Variants in TRIM5 observed in about 807,000 individuals in gnomAD.
TRIM5 encodes the protein tripartite motif containing 5.
In TRIM5, 31 loss-of-function variants were observed where a neutral mutation model predicts 35.6. The ratio of observed to expected loss-of-function variants is 0.87; its 90% CI spans 0.65 to 1.18. TRIM5 has a LOEUF of 1.18. Among genes scored for constraint, TRIM5 ranks in the 50% most tolerant of loss-of-function variants. The pLI is 0.00. For missense variants in TRIM5, 609 were observed against 591.6 expected, an observed-to-expected ratio of 1.03 and a Z score of -0.31; for synonymous variants, 243 against 215.6, an observed-to-expected ratio of 1.13 and a Z score of -1.11.
At chr11:5,603,563 T>C in the TRIM5 span, 42 of 1,613,270 alleles carry the variant, frequency 2.6e-5, no homozygotes, top group Non-Finnish European at 3.6e-5. Flanking sequence ...CTCAGAGAGG[T>C]AGTGTTGGGC....
the TRIM5 span, among the ~76,000 whole-genome samples, chr11:5,616,923 G>T: frequency 0.46 from 65,633 of 141,298 alleles, 19,694 homozygotes; most frequent in African/African-American, 0.49. Context: ...TTTTAGTAGA[G>T]ACAGTGTTTC....
At chr11:5,666,596 C>T (rs1851160607) in intron 5 of TRIM5, among the ~76,000 whole-genome samples, 2 of 152,156 alleles carry the variant, frequency 1.3e-5, no homozygotes, top group South Asian at 4.1e-4. Context: ...CAAAGCTATT[C>T]CCAGCAGGGA....
the TRIM5 span, among the ~76,000 whole-genome samples, chr11:5,635,341 C>G: frequency 6.6e-6 from 1 of 151,364 alleles, no homozygotes; most frequent in African/African-American, 2.4e-5. Flanking sequence ...CTGCAAGCTC[C>G]GCCTCCCAGG....
At chr11:5,596,537 C>CCCCCTTCCCCCTTCCCCCTT in the TRIM5 span, 1 of 13,954 alleles carries the variant, frequency 7.2e-5, no homozygotes, top group Non-Finnish European at 3.2e-4. Flanking sequence ...CTTCCCCCTT[C>CCCCCTTCCCCCTTCCCCCTT]CCCCTTCCCC....
chr11:5,604,642 T>C, the TRIM5 span: 10 of 1,608,086 alleles, frequency 6.2e-6, no homozygotes, highest in South Asian at 1.1e-5. Context: ...AAGGGAGACT[T>C]TTTCTGAAGA....
At chr11:5,592,053 TG>T in the TRIM5 span, among the ~76,000 whole-genome samples, 2 of 152,178 alleles carry the variant, frequency 1.3e-5, no homozygotes, top group Non-Finnish European at 2.9e-5. Flanking sequence ...CTATAGTTAA[TG>T]TTAGGACTTT....
At chr11:5,597,995 C>T in the TRIM5 span, among the ~76,000 whole-genome samples, 5 of 152,214 alleles carry the variant, frequency 3.3e-5, no homozygotes, top group Admixed American at 2.6e-4. Flanking sequence ...CAAGTGCTTG[C>T]AGTGTTGCTA....
chr11:5,672,954 C>T (rs369580348), intron 4 of TRIM5, among the ~76,000 whole-genome samples: 4 of 152,130 alleles, frequency 2.6e-5, no homozygotes, highest in East Asian at 3.9e-4. Flanking sequence ...AACTAAAAAT[C>T]TACATTGGAA....
the TRIM5 span, among the ~76,000 whole-genome samples, chr11:5,629,889 G>C: frequency 1.3e-5 from 2 of 152,142 alleles, no homozygotes; most frequent in African/African-American, 4.8e-5. Context: ...TGTATTTTTA[G>C]TAGAGATGGG....
At chr11:5,625,927 G>GCTTCT in the TRIM5 span, among the ~76,000 whole-genome samples, 7 of 152,244 alleles carry the variant, frequency 4.6e-5, no homozygotes, top group African/African-American at 1.4e-4. Flanking sequence ...GGGCTCAGAA[G>GCTTCT]GAGCCCACGG....
chr11:5,674,589 C>T (rs1186391576), intron 4 of TRIM5, among the ~76,000 whole-genome samples: 1 of 152,230 alleles, frequency 6.6e-6, no homozygotes, highest in Non-Finnish European at 1.5e-5. Flanking sequence ...AGACTCCAGA[C>T]TGGTATCTAT....
chr11:5,665,803 T>C (rs1187659630), intron 6 of TRIM5, 121 bp from the exon 7 acceptor site: 4 of 1,415,502 alleles, frequency 2.8e-6, no homozygotes, highest in Non-Finnish European at 3.7e-6. Flanking sequence ...AATTGCTGAA[T>C]GATGAGATGA....
rs968878709 is a variant in TRIM5, at chr11:5,663,555, G to C, written c.*1254C>G. 2.1e-6 allele frequency: 2 copies of C among 971,296 alleles called. No individual in the cohort carries two copies. Among genetic ancestry groups the C allele is most frequent in the African/African-American group, 1.8e-5 (1 of 56,958 alleles). The allele number at this position is 971,296 out of a possible 1,614,324, so 60.2% of individuals were successfully genotyped here. A position where few individuals can be genotyped will look rare whatever the true frequency, so the allele number is the denominator to read the frequency against. On this transcript the variant is annotated 3_prime_UTR_variant, in exon 8 of 8. Coordinates refer to ENST00000380034, the MANE Select transcript of TRIM5 (RefSeq NM_033034.3). ...AGTACTTATTAGATCAAGACACTTA[G>C]ATAGATGCTTTATACTTCAGGAATT...
chr11:5,628,209 C>T, the TRIM5 span, among the ~76,000 whole-genome samples: 75 of 152,242 alleles, frequency 4.9e-4, no homozygotes, highest in African/African-American at 1.8e-3. Flanking sequence ...CATGAAGTCA[C>T]AGCCCGTGGC....
chr11:5,605,489 C>T, the TRIM5 span: 1 of 1,614,154 alleles, frequency 6.2e-7, no homozygotes, highest in Non-Finnish European at 8.5e-7. Flanking sequence ...ATGATCTGGT[C>T]CACCAGACCC....
the TRIM5 span, chr11:5,612,851 C>CAAAAA: frequency 1.3e-5 from 2 of 152,138 alleles, no homozygotes; most frequent in African/African-American, 4.8e-5. Flanking sequence ...ATACCTACTT[C>CAAAAA]AAAAAATAAT....
At chr11:5,652,017 T>G in the TRIM5 span, among the ~76,000 whole-genome samples, 2 of 152,206 alleles carry the variant, frequency 1.3e-5, no homozygotes, top group African/African-American at 4.8e-5. Context: ...GTAAATTTAT[T>G]GAAGTTACTT....
chr11:5,683,075 C>T (rs940847204), intron 1 of TRIM5, among the ~76,000 whole-genome samples: 2 of 152,214 alleles, frequency 1.3e-5, no homozygotes, highest in Non-Finnish European at 2.9e-5. Context: ...GGGCAGTGAG[C>T]GGCTTAGCAC....
the TRIM5 span, among the ~76,000 whole-genome samples, chr11:5,650,957 C>T: frequency 4.6e-5 from 7 of 152,144 alleles, no homozygotes; most frequent in Admixed American, 3.9e-4. Context: ...TCATATGGTC[C>T]CAGTGGCAGG....
Sources: allele counts gnomAD v4.1 joint callset (sites outside exome capture counted in the v4.1 genomes callset), GRCh38; gene constraint gnomAD v4.1.1; transcripts MANE v1.5; gene names NCBI Gene and HGNC (gene_info 2026-07-23, HGNC 2026-07-21).